Variants in PDE11A observed in about 807,000 individuals in gnomAD.
PDE11A encodes phosphodiesterase 11A, also known as dual 3',5'-cyclic-AMP and -GMP phosphodiesterase 11A.
A neutral mutation model predicts 100.5 loss-of-function variants in PDE11A; 100 were observed. That is an observed-to-expected ratio of 1.00 (90% CI 0.85 to 1.18). The LOEUF (loss-of-function observed/expected upper bound fraction) is 1.18, where lower values mean the gene tolerates loss of function less well. Ranked by LOEUF, PDE11A falls within the 50% of genes most tolerant of loss-of-function variation. PDE11A has a pLI of 0.00. For missense variants in PDE11A, 1,141 were observed against 1,152.6 expected (o/e 0.99, Z 0.15); for synonymous variants, 381 against 420.8 (o/e 0.91, Z 1.16).
intron 19 of PDE11A, among the ~76,000 whole-genome samples, chr2:177,647,890 C>T (rs753653173): frequency 6.6e-6 from 1 of 152,046 alleles, no homozygotes; most frequent in Non-Finnish European, 1.5e-5. Flanking sequence ...GTGGGAGGAT[C>T]GCTTGAGACC....
chr2:178,033,934 G>A (rs1244756777), intron 1 of PDE11A, among the ~76,000 whole-genome samples: 1 of 152,162 alleles, frequency 6.6e-6, no homozygotes, highest in Non-Finnish European at 1.5e-5. Flanking sequence ...ACCAGCCACT[G>A]CAAAAACACA....
rs16865887 is a variant in PDE11A at position 177,878,986 on chromosome 2, T to C, written c.1303-3063A>G. 7.2e-3 allele frequency among the ~76,000 whole-genome samples: 1,095 copies of C among 152,330 alleles called. 12 individuals carry two copies. Among genetic ancestry groups the C allele is most frequent in the African/African-American group, 0.024 (1,018 of 41,574 alleles). ...ATCATATTATCAATAAACTGTTAAT[T>C]GTTTCTGCATTTCAAAATTGAGCAG... On this transcript the variant is annotated intron_variant, in intron 4 of 19. Transcript: ENST00000286063.
chr2:177,995,171 C>A (rs1408848827), intron 2 of PDE11A, among the ~76,000 whole-genome samples: 1 of 152,154 alleles, frequency 6.6e-6, no homozygotes, highest in African/African-American at 2.4e-5. Context: ...GGCTTTGGGC[C>A]ACTGGCTGAT....
chr2:178,080,225 C>G (rs1176745956), intron 2 of PDE11A, among the ~76,000 whole-genome samples: 1 of 152,112 alleles, frequency 6.6e-6, no homozygotes, highest in Non-Finnish European at 1.5e-5. Context: ...GCCACAGTGC[C>G]TATGTCTTGA....
intron 1 of PDE11A, among the ~76,000 whole-genome samples, chr2:178,035,213 G>A (rs1282639022): frequency 6.6e-6 from 1 of 152,104 alleles, no homozygotes; most frequent in Non-Finnish European, 1.5e-5. Context: ...TGATCCCACA[G>A]AAATACAAAC....
chr2:177,654,247 C>T (rs908328350), intron 19 of PDE11A, among the ~76,000 whole-genome samples: 14 of 152,172 alleles, frequency 9.2e-5, no homozygotes, highest in Non-Finnish European at 1.6e-4. Flanking sequence ...AAGTTGGATG[C>T]GGTGGCTCAT....
chr2:177,825,138 A>C (rs2083208249), intron 6 of PDE11A, among the ~76,000 whole-genome samples: 1 of 152,216 alleles, frequency 6.6e-6, no homozygotes, highest in Admixed American at 6.5e-5. Flanking sequence ...ATTGAAGGCA[A>C]AAATGGTCAA....
At chr2:177,940,977 G>A (rs1025870131) in intron 2 of PDE11A, among the ~76,000 whole-genome samples, 8 of 152,120 alleles carry the variant, frequency 5.3e-5, no homozygotes, top group Non-Finnish European at 1.2e-4. Context: ...TAAATAAAGA[G>A]AATATGTAGT....
At chr2:177,922,127 T>C (rs1249454098) in intron 2 of PDE11A, among the ~76,000 whole-genome samples, 3 of 152,162 alleles carry the variant, frequency 2.0e-5, no homozygotes, top group Non-Finnish European at 4.4e-5. Flanking sequence ...CCTATCTCAC[T>C]CTCCTCTCTT....
chr2:177,877,501 T>C (rs1280605380), intron 4 of PDE11A, among the ~76,000 whole-genome samples: 1 of 152,098 alleles, frequency 6.6e-6, no homozygotes, highest in Admixed American at 6.6e-5. Context: ...GTCTCCCGGG[T>C]AATCTCTCAG....
At chr2:177,886,381 TC>T (rs1165645408) in intron 4 of PDE11A, among the ~76,000 whole-genome samples, 4 of 152,210 alleles carry the variant, frequency 2.6e-5, no homozygotes, top group African/African-American at 9.6e-5. Context: ...ACAGCATTCC[TC>T]ATTTCTATTT....
chr2:178,099,024 C>A (rs2087529645), intron 2 of PDE11A, among the ~76,000 whole-genome samples: 1 of 152,188 alleles, frequency 6.6e-6, no homozygotes, highest in South Asian at 2.1e-4. Context: ...CAATTTGTTT[C>A]TAAAACCCGC....
intron 13 of PDE11A, among the ~76,000 whole-genome samples, chr2:177,709,341 T>C (rs1158362598): frequency 1.3e-5 from 2 of 152,152 alleles, no homozygotes; most frequent in Non-Finnish European, 2.9e-5. Flanking sequence ...CCAGGAGTCA[T>C]GCCAAGAAGC....
chr2:177,773,534 T>C (rs59173154), intron 9 of PDE11A, among the ~76,000 whole-genome samples: 2,273 of 152,348 alleles, frequency 0.015, 58 homozygotes, highest in African/African-American at 0.052. Flanking sequence ...TAAAGCTTTT[T>C]TGGATTGTAT....
At chr2:177,948,190 A>G (rs1275571415) in intron 2 of PDE11A, among the ~76,000 whole-genome samples, 2 of 152,162 alleles carry the variant, frequency 1.3e-5, no homozygotes, top group African/African-American at 4.8e-5. Context: ...TATAGTTTAT[A>G]TGCTTATTCT....
At chr2:177,883,444 T>C (rs1158505828) in intron 4 of PDE11A, among the ~76,000 whole-genome samples, 1 of 152,116 alleles carries the variant, frequency 6.6e-6, no homozygotes, top group East Asian at 1.9e-4. Context: ...GCACAAACCA[T>C]ATCCTATCCT....
At chr2:178,045,127 A>G (rs960870230) in intron 1 of PDE11A, among the ~76,000 whole-genome samples, 1 of 152,198 alleles carries the variant, frequency 6.6e-6, no homozygotes, top group Non-Finnish European at 1.5e-5. Context: ...TTGCTTGTAT[A>G]CACTAGAGCT....
rs538867309 is a variant in PDE11A, at chr2:177,918,803, T to C, written c.1072-13616A>G. Among the ~76,000 whole-genome samples the C allele has an allele frequency of 2.6e-5, 4 of 152,276 alleles. No homozygotes were observed. In the East Asian group the frequency reaches 7.7e-4, roughly 29 times the overall value. ...TCAAGAAGACCTGAGAATTTCTGAG[T>C]AAAATAGTCACCACAGAAATAATAA... On this transcript the variant is annotated intron_variant, in intron 2 of 19. Coordinates refer to ENST00000286063, the MANE Select transcript of PDE11A (RefSeq NM_016953.4).
intron 2 of PDE11A, among the ~76,000 whole-genome samples, chr2:178,097,029 G>C (rs1360985760): frequency 6.6e-6 from 1 of 152,088 alleles, no homozygotes; most frequent in East Asian, 1.9e-4. Flanking sequence ...TGGGACTATA[G>C]GCACATGCCA....
Sources: allele counts gnomAD v4.1 joint callset (sites outside exome capture counted in the v4.1 genomes callset), GRCh38; gene constraint gnomAD v4.1.1; transcripts MANE v1.5; gene names NCBI Gene and HGNC (gene_info 2026-07-23, HGNC 2026-07-21).